Variants in TPRG1 observed in about 807,000 individuals in gnomAD.
TPRG1 encodes tumor protein p63 regulated 1, also known as tumor protein p63-regulated gene 1 protein.
In TPRG1, 29 loss-of-function variants were observed where a neutral mutation model predicts 29.3. That is an observed-to-expected ratio of 0.99 (90% CI 0.74 to 1.35). The LOEUF is 1.35. TPRG1 is among the 40% of genes most tolerant of loss of function. The pLI, the probability that TPRG1 is intolerant of heterozygous loss-of-function variation, is 0.00. For synonymous variants in TPRG1, 130 were observed against 116.8 expected, an observed-to-expected ratio of 1.11 and a Z score of -0.73; for missense variants, 327 against 335.0, an observed-to-expected ratio of 0.98 and a Z score of 0.19.
intron 3 of TPRG1, among the ~76,000 whole-genome samples, chr3:189,216,195 A>G (rs1366815581): frequency 6.6e-6 from 1 of 152,164 alleles, no homozygotes; most frequent in Non-Finnish European, 1.5e-5. Context: ...CAGATACTTG[A>G]TTAATTCAGT....
chr3:189,299,551 T>C (rs1399455394), intron 4 of TPRG1, among the ~76,000 whole-genome samples: 1 of 151,172 alleles, frequency 6.6e-6, no homozygotes, highest in Non-Finnish European at 1.5e-5. Context: ...TATAGACTAA[T>C]GAAAAATAAA....
chr3:189,096,642 A>G (rs949336579), upstream of TPRG1, among the ~76,000 whole-genome samples: 7 of 152,180 alleles, frequency 4.6e-5, no homozygotes, highest in Non-Finnish European at 1.0e-4. Context: ...ATCTATTCAT[A>G]TTTACTCTAT....
chr3:189,166,260 G>C (rs898244947), intron 5 of TPRG1, among the ~76,000 whole-genome samples: 1 of 152,174 alleles, frequency 6.6e-6, no homozygotes. Context: ...AACTCCTATG[G>C]TCCAAACTCA....
Position 189,200,136 on chromosome 3 carries a change from G to T in TPRG1, c.-9-7240G>T, listed in dbSNP as rs76670868. On this transcript the variant is annotated intron_variant, in intron 1 of 5. Transcript: ENST00000345063. Reference sequence around the variant, plus strand: ...TGCTGCTGAGTCGAAGCACTTTATAGCAGAGCAGAGGACTCTGCCTGGCCC... The same window carrying T: ...TGCTGCTGAGTCGAAGCACTTTATATCAGAGCAGAGGACTCTGCCTGGCCC... Among the ~76,000 whole-genome samples the T allele has an allele frequency of 2.6e-5, 4 of 152,308 alleles. No individual in the cohort carries two copies. The South Asian group carries it at 8.3e-4, about 32-fold the overall frequency.
intron 1 of TPRG1, among the ~76,000 whole-genome samples, chr3:189,124,455 C>T (rs1176226465): frequency 6.6e-6 from 1 of 152,024 alleles, no homozygotes; most frequent in Non-Finnish European, 1.5e-5. Context: ...TTAGATTATT[C>T]TTCTGCTAGA....
intron 3 of TPRG1, among the ~76,000 whole-genome samples, chr3:189,015,772 G>A (rs184460119): frequency 1.6e-4 from 25 of 152,288 alleles, no homozygotes; most frequent in African/African-American, 5.5e-4. Flanking sequence ...TCTATGTGGT[G>A]TTGGGCCTGC....
intron 2 of TPRG1, among the ~76,000 whole-genome samples, chr3:189,129,604 T>C (rs182711575): frequency 7.9e-5 from 12 of 152,346 alleles, no homozygotes; most frequent in African/African-American, 2.6e-4. Flanking sequence ...ATCTTGCTTG[T>C]TGCCATTGTT....
At chr3:189,016,769 G>A (rs949027485) in intron 3 of TPRG1, among the ~76,000 whole-genome samples, 1 of 152,088 alleles carries the variant, frequency 6.6e-6, no homozygotes, top group Non-Finnish European at 1.5e-5. Flanking sequence ...GCTCTGCCAT[G>A]GGAAGATGTC....
chr3:189,168,768 G>C (rs866332665), upstream of TPRG1, among the ~76,000 whole-genome samples: 1 of 152,192 alleles, frequency 6.6e-6, no homozygotes, highest in Middle Eastern at 3.2e-3. Context: ...GGGACAAGGG[G>C]TGTATCTGGG....
In TPRG1 at chr3:189,260,856, C is replaced by G. The variant is rs556736045; in HGVS notation, c.479+21947C>G. On this transcript the variant is annotated intron_variant, in intron 4 of 5. Coordinates refer to ENST00000345063, the MANE Select transcript of TPRG1 (RefSeq NM_198485.4). ...GGCATCGCAGACATCATTCTATTATCTCAACCTTGCTTTCTCGGATCCAAA... is the reference window on the plus strand; with the variant it reads ...GGCATCGCAGACATCATTCTATTATGTCAACCTTGCTTTCTCGGATCCAAA... Among the ~76,000 whole-genome samples, 16 of 152,286 alleles carry G rather than the reference C, an allele frequency of 1.1e-4. No individual in the cohort carries two copies. The East Asian group carries it at 3.1e-3, about 29-fold the overall frequency.
intron 3 of TPRG1, among the ~76,000 whole-genome samples, chr3:189,023,146 G>A (rs999349269): frequency 6.6e-6 from 1 of 152,216 alleles, no homozygotes; most frequent in African/African-American, 2.4e-5. Context: ...CTAGTGAGAT[G>A]AACCCGGTAC....
intron 3 of TPRG1, among the ~76,000 whole-genome samples, chr3:189,146,977 T>G (rs925240870): frequency 6.6e-6 from 1 of 152,240 alleles, no homozygotes; most frequent in African/African-American, 2.4e-5. Context: ...TCATTTAATC[T>G]GCACAGCGTC....
At chr3:189,100,335 A>G (rs1379412318) in intron 1 of TPRG1, 1 of 152,350 alleles carries the variant, frequency 6.6e-6, no homozygotes, top group African/African-American at 2.4e-5. Context: ...GAAAGGGTAT[A>G]TCTGAGATGT....
rs568681155 is a variant in TPRG1 at position 189,215,412 on chromosome 3, G to A, written c.302+29G>A. ...AGTAGTCACAGCTAAGTGAAGGGCCGTGGAAATACAGCGTTTTCCTTGACA... is the reference window on the plus strand; with the variant it reads ...AGTAGTCACAGCTAAGTGAAGGGCCATGGAAATACAGCGTTTTCCTTGACA... On this transcript the variant is annotated intron_variant, in intron 3 of 5. Transcript: ENST00000345063. 2.7e-5 allele frequency: 43 copies of A among 1,577,510 alleles called. No homozygotes were observed. In the South Asian group the frequency reaches 3.2e-4, roughly 12 times the overall value.
intron 4 of TPRG1, among the ~76,000 whole-genome samples, chr3:189,260,913 G>A (rs1457134799): frequency 6.6e-6 from 1 of 152,150 alleles, no homozygotes; most frequent in Non-Finnish European, 1.5e-5. Flanking sequence ...TGCCCTCAGA[G>A]CTCTAATTTG....
chr3:189,198,799 G>A (rs1412768174), intron 1 of TPRG1, among the ~76,000 whole-genome samples: 1 of 152,194 alleles, frequency 6.6e-6, no homozygotes, highest in Non-Finnish European at 1.5e-5. Flanking sequence ...TGCCACGGGA[G>A]TCAAGAACTC....
At chr3:189,070,960 C>A (rs78195050) in intron 4 of TPRG1, among the ~76,000 whole-genome samples, 203 of 151,298 alleles carry the variant, frequency 1.3e-3, no homozygotes, top group African/African-American at 4.7e-3. Flanking sequence ...AATAGAAATT[C>A]TCAGATTTGT....
At chr3:189,254,159 A>G (rs1742702269) in intron 4 of TPRG1, among the ~76,000 whole-genome samples, 2 of 152,190 alleles carry the variant, frequency 1.3e-5, no homozygotes, top group African/African-American at 4.8e-5. Context: ...TTTAGGTCTT[A>G]TGTTTAATTC....
intron 4 of TPRG1, among the ~76,000 whole-genome samples, chr3:189,250,795 G>T (rs139069511): frequency 2.0e-5 from 3 of 148,252 alleles, no homozygotes; most frequent in Non-Finnish European, 4.4e-5. Context: ...GTACCCACTC[G>T]CTGTAGGTGG....
Sources: allele counts gnomAD v4.1 joint callset (sites outside exome capture counted in the v4.1 genomes callset), GRCh38; gene constraint gnomAD v4.1.1; transcripts MANE v1.5; gene names NCBI Gene and HGNC (gene_info 2026-07-23, HGNC 2026-07-21).